NRXN1: variants seen among roughly 807,000 people sequenced by gnomAD.
The protein encoded by NRXN1 is neurexin-1.
A neutral mutation model predicts 150.9 loss-of-function variants in NRXN1; 39 were observed. That is an observed-to-expected ratio of 0.26 (90% CI 0.20 to 0.34). NRXN1 has a LOEUF of 0.34. Ranked by LOEUF, NRXN1 falls within the 10% of genes least tolerant of loss-of-function variation. The probability of loss-of-function intolerance (pLI) is 1.00; values close to 1 mark genes in which losing one functional copy is unlikely to be tolerated. For missense variants in NRXN1, 1,815 were observed against 1,949.9 expected (o/e 0.93, Z 1.30); for synonymous variants, 924 against 757.0 (o/e 1.22, Z -3.62).
At chr2:50,111,212 G>A (rs1001043857) in intron 18 of NRXN1, among the ~76,000 whole-genome samples, 1 of 152,064 alleles carries the variant, frequency 6.6e-6, no homozygotes, top group Non-Finnish European at 1.5e-5. Context: ...GTGATCTTAG[G>A]CCCAAACTCT....
rs150681675 is a variant in NRXN1, at chr2:50,098,943, C to G, written c.3547-7449G>C. Among the ~76,000 whole-genome samples, 125 of 132,514 alleles carry G rather than the reference C, an allele frequency of 9.4e-4. 1 individual carries two copies. The highest frequency in any genetic ancestry group is 3.4e-3 in the African/African-American group (122 of 35,532). The allele number at this position is 132,514 out of a possible 152,430, so 86.9% of individuals were successfully genotyped here. A position where few individuals can be genotyped will look rare whatever the true frequency, so the allele number is the denominator to read the frequency against. On this transcript the variant is annotated intron_variant, in intron 18 of 22. Transcript: ENST00000401669. ...ATCAGAAGTGGGCAAGATATGTGGG[C>G]AATACCACCTCAGAAACATCTCATT... is the stretch of plus-strand genomic sequence containing the variant.
At chr2:50,270,669 TATAG>T (rs2069478203) in intron 17 of NRXN1, among the ~76,000 whole-genome samples, 3 of 125,094 alleles carry the variant, frequency 2.4e-5, no homozygotes, top group Non-Finnish European at 4.9e-5. Context: ...TGCATATAGA[TATAG>T]TTTTTTTTTT....
chr2:50,718,795 C>G (rs1696210761), intron 5 of NRXN1, among the ~76,000 whole-genome samples: 1 of 152,010 alleles, frequency 6.6e-6, no homozygotes, highest in African/African-American at 2.4e-5. Context: ...AGCACAGTAA[C>G]TCAACAGAGC....
intron 18 of NRXN1, among the ~76,000 whole-genome samples, chr2:50,162,607 C>T (rs900231422): frequency 6.6e-6 from 1 of 151,950 alleles, no homozygotes; most frequent in Admixed American, 6.6e-5. Flanking sequence ...AAATTCACTC[C>T]ATAAAAAAGA....
intron 17 of NRXN1, among the ~76,000 whole-genome samples, chr2:50,317,669 T>C (rs2075721248): frequency 2.0e-5 from 3 of 151,934 alleles, no homozygotes; most frequent in South Asian, 2.1e-4. Context: ...ACGTCTAAGA[T>C]GAAAGAAGAA....
intron 18 of NRXN1, among the ~76,000 whole-genome samples, chr2:50,164,966 C>G (rs764775366): frequency 2.6e-5 from 4 of 152,076 alleles, no homozygotes; most frequent in Non-Finnish European, 5.9e-5. Flanking sequence ...TGGCTTGAGG[C>G]TATACATGAG....
chr2:50,851,761 A>C (rs933039851), intron 5 of NRXN1, among the ~76,000 whole-genome samples: 2 of 152,154 alleles, frequency 1.3e-5, no homozygotes, highest in African/African-American at 4.8e-5. Flanking sequence ...ATAGAACAAA[A>C]ACATGGCTGC....
chr2:49,948,173 CTG>C (rs1673292541), intron 21 of NRXN1, among the ~76,000 whole-genome samples: 1 of 152,046 alleles, frequency 6.6e-6, no homozygotes, highest in Admixed American at 6.6e-5. Context: ...TGGGCTACAA[CTG>C]TGTGACTCAG....
chr2:50,802,930 C>A (rs1432245621), intron 5 of NRXN1, among the ~76,000 whole-genome samples: 2 of 152,106 alleles, frequency 1.3e-5, no homozygotes, highest in Non-Finnish European at 2.9e-5. Context: ...GATTTCTCTG[C>A]AGATTTCAGA....
intron 5 of NRXN1, among the ~76,000 whole-genome samples, chr2:50,638,059 T>G (rs555187410): frequency 1.2e-4 from 19 of 152,244 alleles, no homozygotes; most frequent in Non-Finnish European, 2.8e-4. Context: ...ATAAACTTTA[T>G]AGTTGGAAGA....
intron 5 of NRXN1, among the ~76,000 whole-genome samples, chr2:50,871,613 A>G (rs1470184699): frequency 6.6e-6 from 1 of 151,840 alleles, no homozygotes; most frequent in Non-Finnish European, 1.5e-5. Flanking sequence ...CTGCTGCTAT[A>G]TTGTTTCTAA....
intron 18 of NRXN1, among the ~76,000 whole-genome samples, chr2:50,208,454 T>G (rs2062773545): frequency 6.6e-6 from 1 of 152,146 alleles, no homozygotes; most frequent in Non-Finnish European, 1.5e-5. Flanking sequence ...TGCAAATCTT[T>G]GTAAATCTTT....
intron 5 of NRXN1, among the ~76,000 whole-genome samples, chr2:50,824,727 C>A (rs1027605021): frequency 6.6e-6 from 1 of 152,122 alleles, no homozygotes; most frequent in Non-Finnish European, 1.5e-5. Flanking sequence ...ATACCCACTT[C>A]TCCAGGGTCA....
At chr2:50,696,324 C>A (rs1692859492) in intron 5 of NRXN1, 2 of 152,546 alleles carry the variant, frequency 1.3e-5, no homozygotes, top group Middle Eastern at 3.4e-3. Context: ...GTACATAATT[C>A]TTCACACAGA....
At position 50,451,990 on chromosome 2, in the gene NRXN1, C is replaced by G. The variant is rs1468562160; in HGVS notation, c.3364+13452G>C. 2.0e-5 allele frequency among the ~76,000 whole-genome samples: 3 copies of G among 152,150 alleles called. No homozygotes were observed. In the East Asian group the frequency reaches 5.8e-4, roughly 29 times the overall value. ...TATTTACATACCAGTAATAATTACA[C>G]CAGCATTTAGCTAAGCAAGTACACA... On this transcript the variant is annotated intron_variant, in intron 17 of 22. Coordinates refer to ENST00000401669, the MANE Select transcript of NRXN1 (RefSeq NM_001330078.2).
At chr2:50,324,628 G>A (rs2152977319) in intron 17 of NRXN1, among the ~76,000 whole-genome samples, 1 of 152,258 alleles carries the variant, frequency 6.6e-6, no homozygotes, top group Middle Eastern at 3.4e-3. Context: ...TGCAAGCTCC[G>A]CCTCCCGGGT....
Position 50,379,439 on chromosome 2 carries a change from T to G in NRXN1, c.3364+86003A>C, listed in dbSNP as rs2080784054. On this transcript the variant is annotated intron_variant, in intron 17 of 22. Transcript: ENST00000401669. The stretch of plus-strand genomic sequence containing the variant: ...TTGTGTACAACTCCACAGTCGAACA[T>G]TTTCTACCTCCCTGAGAATCAGTCT... Among the ~76,000 whole-genome samples, 4 of 152,148 alleles carry G rather than the reference T, an allele frequency of 2.6e-5. No homozygotes were observed. In the South Asian group the frequency reaches 8.3e-4, roughly 32 times the overall value.
At chr2:50,082,067 C>T (rs1254086281) in intron 19 of NRXN1, among the ~76,000 whole-genome samples, 1 of 152,114 alleles carries the variant, frequency 6.6e-6, no homozygotes, top group Non-Finnish European at 1.5e-5. Flanking sequence ...GTCATTTTTT[C>T]CGGCCTTCAG....
At chr2:50,443,585 A>C (rs1045156073) in intron 17 of NRXN1, among the ~76,000 whole-genome samples, 2 of 152,148 alleles carry the variant, frequency 1.3e-5, no homozygotes, top group Admixed American at 1.3e-4. Flanking sequence ...TGTGCCTCTA[A>C]ATCAGTATGT....
Sources: gnomAD v4.1 joint callset for allele counts (sites outside exome capture counted in the v4.1 genomes callset) on GRCh38, gnomAD v4.1.1 for gene constraint, MANE v1.5 for transcripts, NCBI Gene and HGNC (gene_info 2026-07-23, HGNC 2026-07-21) for gene names.